The following UTRN variants were observed in gnomAD, a reference collection of about 807,000 sequenced individuals.
UTRN encodes the protein dystrophin-related protein 1.
In UTRN, 283 loss-of-function variants were observed where a neutral mutation model predicts 463.9. The observed-to-expected ratio is 0.61, with a 90% CI of 0.55 to 0.67. The LOEUF (loss-of-function observed/expected upper bound fraction) is 0.67. UTRN is among the 30% of genes least tolerant of loss of function. The pLI is 0.00. For synonymous variants in UTRN, 1,442 were observed against 1,431.5 expected (o/e 1.01, Z -0.17); for missense variants, 3,922 against 4,084.3 (o/e 0.96, Z 1.08).
At chr6:144,696,187 A>G (rs1783984805) in intron 52 of UTRN, among the ~76,000 whole-genome samples, 1 of 151,952 alleles carries the variant, frequency 6.6e-6, no homozygotes, top group African/African-American at 2.4e-5. Context: ...TCCTAACCAT[A>G]TTGTGAAACT....
chr6:144,628,769 G>C (rs563595215), intron 51 of UTRN, among the ~76,000 whole-genome samples: 15 of 152,150 alleles, frequency 9.9e-5, no homozygotes, highest in Middle Eastern at 3.4e-3. Context: ...TCCTCAGGGG[G>C]CTCCCTGAGG....
intron 51 of UTRN, among the ~76,000 whole-genome samples, chr6:144,657,297 T>G (rs1779419027): frequency 6.6e-6 from 1 of 151,798 alleles, no homozygotes; most frequent in Non-Finnish European, 1.5e-5. Context: ...TAGCTAGATT[T>G]GTCAATATCT....
At chr6:144,380,971 CCTTTCTTTTTTT>C (rs1478440351) in intron 2 of UTRN, among the ~76,000 whole-genome samples, 2 of 151,854 alleles carry the variant, frequency 1.3e-5, no homozygotes, top group Non-Finnish European at 2.9e-5. Flanking sequence ...TAAAGCAATT[CCTTTCTTTTTTT>C]CTTTCTTTTT....
chr6:144,835,757 G>T (rs780804325), intron 69 of UTRN, 23 bp from the exon 70 acceptor site: 4 of 1,613,290 alleles, frequency 2.5e-6, no homozygotes, highest in South Asian at 2.2e-5. Flanking sequence ...GAGCCTCTGG[G>T]TCTGTTTCCT....
chr6:144,793,496 AAATT>A (rs1282245844), intron 62 of UTRN, among the ~76,000 whole-genome samples: 3 of 152,214 alleles, frequency 2.0e-5, no homozygotes, highest in African/African-American at 7.2e-5. Flanking sequence ...GAAGATCATA[AAATT>A]AATTCATATG....
At chr6:144,594,791 C>T (rs548690668) in intron 51 of UTRN, among the ~76,000 whole-genome samples, 6 of 152,218 alleles carry the variant, frequency 3.9e-5, no homozygotes, top group South Asian at 4.1e-4. Context: ...TTCTTCCCAC[C>T]GCACTGCCCC....
rs151044341 is a variant in UTRN, at chr6:144,496,810, G to C, written c.4594-2447G>C. On this transcript the variant is annotated intron_variant, in intron 33 of 74. Coordinates refer to ENST00000367545, the MANE Select transcript of UTRN (RefSeq NM_007124.3). ...TTTCACCCAGTCTTGTGTTAGGAAG[G>C]CTTCCCTGAGGAGGTGATGCATAAG... Among the ~76,000 whole-genome samples the C allele has an allele frequency of 3.1e-3, 470 of 152,316 alleles. 1 individual carries two copies. Among genetic ancestry groups the C allele is most frequent in the Non-Finnish European group, 5.1e-3 (346 of 68,024 alleles).
rs747200589 is a variant in UTRN, at chr6:144,514,019, A to G, written c.5055A>G (p.Lys1685=). ...LDEIEKKPTS[K]QEEIVKRLVS... is the part of the protein sequence containing the mutation. ...AAATTGAAAAGAAACCAACAAGTAA[A>G]CAGGAAGAAATTGTGAAGGTAGCAA... Residue 1685 remains lysine (K), a synonymous_variant, in exon 36 of 75, where the codon AAA becomes AAG. Transcript: ENST00000367545. 6.2e-7 allele frequency: 1 copy of G among 1,613,960 alleles called. No individual in the cohort carries two copies. The highest frequency in any genetic ancestry group is 8.5e-7 in the Non-Finnish European group (1 of 1,179,894).
Position 144,836,316 on chromosome 6 carries a change from G to A in UTRN, c.9840G>A (p.Glu3280=). ...TCTGTATTAGAAATCTACAGGTGGA[G>A]TATGAGCAGCTGAAGGACCAGCACC... is the stretch of plus-strand genomic sequence containing the variant. ...LEEEQRNLQV[E]YEQLKDQHLR... The change falls in exon 71 of 75, where the codon GAG becomes GAA. Residue 3280 remains glutamate (E), a synonymous_variant. Coordinates refer to ENST00000367545, the MANE Select transcript of UTRN (RefSeq NM_007124.3). 1.9e-6 allele frequency: 3 copies of A among 1,614,122 alleles called. No individual in the cohort carries two copies. The highest frequency in any genetic ancestry group is 2.5e-6 in the Non-Finnish European group (3 of 1,179,990).
At chr6:144,827,445 G>A (rs1201735827) in intron 67 of UTRN, 59 bp downstream of exon 67, 1 of 1,609,674 alleles carries the variant, frequency 6.2e-7, no homozygotes, top group Non-Finnish European at 8.5e-7. Context: ...CTAGCATGGG[G>A]GTCTTACTAA....
intron 48 of UTRN, among the ~76,000 whole-genome samples, chr6:144,554,375 C>T (rs1799198354): frequency 1.3e-5 from 2 of 152,082 alleles, no homozygotes; most frequent in Admixed American, 1.3e-4. Flanking sequence ...ACTGTAAATA[C>T]AAAATTAAAT....
At chr6:144,802,405 A>T (rs1777774979) in intron 64 of UTRN, among the ~76,000 whole-genome samples, 1 of 151,952 alleles carries the variant, frequency 6.6e-6, no homozygotes, top group African/African-American at 2.4e-5. Flanking sequence ...TTTTCTGTAG[A>T]TGTGGGTATA....
chr6:144,542,807 G>C lies in UTRN; in HGVS notation c.6532G>C (p.Val2178Leu), dbSNP rs1293729339. ...NMTWNKICRE[V>L]PTTLKECIQE... ...CCTGATGCGGTAGATTTGCAGAGAG[G>C]TGCCTACCACCCTGAAGGAATGCAT... Residue 2178 changes from valine (V) to leucine (L), a missense_variant, in exon 46 of 75, where the codon GTG becomes CTG. Around this residue, in one of 3 missense-constraint regions of UTRN, gnomAD observed 2,349 missense variants for 2,303.8 expected, o/e 1.02. Transcript: ENST00000367545. The C allele has an allele frequency of 1.2e-6, 2 of 1,613,478 alleles. No homozygotes were observed. The highest frequency in any genetic ancestry group is 1.7e-6 in the Non-Finnish European group (2 of 1,179,830).
chr6:144,674,606 G>T (rs1781405080), intron 51 of UTRN, among the ~76,000 whole-genome samples: 1 of 151,968 alleles, frequency 6.6e-6, no homozygotes, highest in Non-Finnish European at 1.5e-5. Context: ...ACCCAGGCTG[G>T]TGTGTAGTGG....
In UTRN at chr6:144,577,394, C is replaced by T. The variant is rs1801541445; in HGVS notation, c.7479+106C>T. ...TAAAAGGTGAAGTTGTCACTTTATTCTCTTATGAAATCCGTGCTCTCCTGT... is the reference window on the plus strand; with the variant it reads ...TAAAAGGTGAAGTTGTCACTTTATTTTCTTATGAAATCCGTGCTCTCCTGT... On this transcript the variant is annotated intron_variant, in intron 51 of 74. Coordinates refer to ENST00000367545, the MANE Select transcript of UTRN (RefSeq NM_007124.3). 3.4e-6 allele frequency: 4 copies of T among 1,171,040 alleles called. 1 individual carries two copies. Among genetic ancestry groups the T allele is most frequent in the Middle Eastern group, 5.8e-4 (2 of 3,468 alleles). The allele number at this position is 1,171,040 out of a possible 1,614,324, so 72.5% of individuals were successfully genotyped here.
chr6:144,700,958 G>A (rs1376095354), intron 53 of UTRN, among the ~76,000 whole-genome samples: 2 of 151,132 alleles, frequency 1.3e-5, no homozygotes, highest in African/African-American at 4.9e-5. Context: ...CCAGGCTGGA[G>A]TGCAGTGGCA....
chr6:144,326,932 G>A (rs773879846), intron 2 of UTRN, among the ~76,000 whole-genome samples: 3 of 152,150 alleles, frequency 2.0e-5, no homozygotes, highest in Middle Eastern at 3.2e-3. Context: ...TTCTTTCTGC[G>A]TCTCTAGGCC....
intron 2 of UTRN, among the ~76,000 whole-genome samples, chr6:144,292,111 C>T (rs1804298664): frequency 6.6e-6 from 1 of 152,142 alleles, no homozygotes; most frequent in Non-Finnish European, 1.5e-5. Flanking sequence ...TTTCTCAACC[C>T]AATTTTGTGC....
At chr6:144,613,422 GTTAA>G (rs1238635970) in intron 51 of UTRN, among the ~76,000 whole-genome samples, 2 of 151,970 alleles carry the variant, frequency 1.3e-5, no homozygotes, top group East Asian at 1.9e-4. Context: ...AGATGAATCG[GTTAA>G]TTAGTTTGAT....
Sources: gnomAD v4.1 joint callset for allele counts (sites outside exome capture counted in the v4.1 genomes callset) on GRCh38, gnomAD v4.1.1 for gene constraint, gnomAD v4.1.1 regional missense constraint, MANE v1.5 for transcripts, NCBI Gene and HGNC (gene_info 2026-07-23, HGNC 2026-07-21) for gene names.